URI1: variants seen among roughly 807,000 people sequenced by gnomAD.
URI1 encodes the protein URI1 prefoldin like chaperone, also known as unconventional prefoldin RPB5 interactor 1.
Under a neutral mutation model 60.2 loss-of-function variants are expected in URI1, and 39 were observed. The ratio of observed to expected loss-of-function variants is 0.65; its 90% confidence interval spans 0.50 to 0.85. The LOEUF (loss-of-function observed/expected upper bound fraction) is 0.85, where lower values mean the gene tolerates loss of function less well. Ranked by LOEUF, URI1 falls within the 40% of genes least tolerant of loss-of-function variation. The pLI, the probability that URI1 is intolerant of heterozygous loss-of-function variation, is 0.00. For missense variants in URI1, 691 were observed against 665.9 expected, an observed-to-expected ratio of 1.04 and a Z score of -0.42; for synonymous variants, 251 against 236.8, an observed-to-expected ratio of 1.06 and a Z score of -0.55.
rs147743824 is a variant in URI1, at chr19:29,928,809, A to G, written c.63+5055A>G. Among the ~76,000 whole-genome samples the G allele has an allele frequency of 3.9e-3, 595 of 152,276 alleles. 2 individuals are homozygous for G. The highest frequency in any genetic ancestry group is 0.014 in the African/African-American group (563 of 41,540). The stretch of plus-strand genomic sequence containing the variant: ...TCTGAAATTCAAATTTAATCGAATG[A>G]CCTATATTTGTATTTGCTAAACCTG... On this transcript the variant is annotated intron_variant, in intron 1 of 10. Transcript: ENST00000360605.
intron 2 of URI1, among the ~76,000 whole-genome samples, chr19:29,978,596 G>A (rs2055554353): frequency 6.6e-6 from 1 of 152,130 alleles, no homozygotes; most frequent in Non-Finnish European, 1.5e-5. Flanking sequence ...GTGCTTGTCT[G>A]AGAAGTGCAT....
At chr19:29,992,134 A>C (rs1323916649) in intron 4 of URI1, among the ~76,000 whole-genome samples, 2 of 152,134 alleles carry the variant, frequency 1.3e-5, no homozygotes, top group South Asian at 2.1e-4. Flanking sequence ...CAGTGGCCTG[A>C]TCTTGACTCA....
chr19:29,986,296 T>G lies in URI1; in HGVS notation c.246T>G (p.Pro82=). Reference sequence around the variant, plus strand: ...TTAAACAATAGGTACCATTTGGCCCTTTTGCCTTCATGCCAGGAAAACTTG... The same window carrying G: ...TTAAACAATAGGTACCATTTGGCCCGTTTGCCTTCATGCCAGGAAAACTTG... ...LSYNIMVPFG[P]FAFMPGKLVH... is the part of the protein sequence containing the mutation. Residue 82 remains proline, a synonymous_variant, in exon 4 of 11, where the codon CCT becomes CCG. Coordinates refer to ENST00000392271, the MANE Select transcript of URI1 (RefSeq NM_003796.3). 1 of 1,597,372 alleles carries G rather than the reference T, an allele frequency of 6.3e-7. No individual in the cohort carries two copies. Among genetic ancestry groups the G allele is most frequent in the South Asian group, 1.1e-5 (1 of 87,716 alleles).
chr19:30,004,347 T>TA (rs2145428604), intron 4 of URI1: 1 of 152,172 alleles, frequency 6.6e-6, no homozygotes, highest in South Asian at 2.1e-4. Flanking sequence ...CGAGAAGCCC[T>TA]TCATATGTGG....
Position 30,005,408 on chromosome 19 carries a change from G to T in URI1, c.415G>T (p.Glu139Ter). ...DDLKKVMKNF[E>*]SRVEFTEDLQ... ...CTTAAAAAAAGTGATGAAAAATTTT[G>T]AATCCAGAGTTGAATTCACAGAAGA... is the stretch of plus-strand genomic sequence containing the variant. The change falls in exon 5 of 11, where the codon GAA (glutamate) becomes TAA (stop). Residue 139 changes from glutamate to a stop codon, truncating the protein, a stop_gained. Transcript: ENST00000392271. LOFTEE classifies it high-confidence loss of function. The T allele has an allele frequency of 1.2e-6, 2 of 1,604,524 alleles. No homozygotes were observed. The highest frequency in any genetic ancestry group is 2.3e-5 in the South Asian group (2 of 88,822).
At chr19:29,995,495 T>C (rs1224202408) in intron 4 of URI1, among the ~76,000 whole-genome samples, 1 of 151,962 alleles carries the variant, frequency 6.6e-6, no homozygotes, top group Non-Finnish European at 1.5e-5. Context: ...AATTTGCAAA[T>C]ATTTTCTCCT....
chr19:29,937,461 T>C (rs558607258), upstream of URI1, among the ~76,000 whole-genome samples: 5 of 152,332 alleles, frequency 3.3e-5, no homozygotes, highest in South Asian at 4.1e-4. Context: ...GCACTTGGCA[T>C]TTTGGGTATT....
chr19:30,010,403 G>A (rs2056002724), intron 8 of URI1, among the ~76,000 whole-genome samples: 1 of 152,172 alleles, frequency 6.6e-6, no homozygotes, highest in East Asian at 1.9e-4. Flanking sequence ...GGGAAAAGTT[G>A]ACTGAGATGA....
intron 1 of URI1, among the ~76,000 whole-genome samples, chr19:29,957,354 A>G (rs2055262530): frequency 6.9e-6 from 1 of 144,704 alleles, no homozygotes; most frequent in Admixed American, 7.2e-5. Flanking sequence ...CAGATATTGT[A>G]ACAAAAAATT....
rs139688523 is a variant in URI1, at chr19:29,963,476, A to G, written c.118-7717A>G. Among the ~76,000 whole-genome samples, 538 of 152,204 alleles carry G rather than the reference A, an allele frequency of 3.5e-3. 6 individuals carry two copies. The highest frequency in any genetic ancestry group is 0.013 in the African/African-American group (523 of 41,540). On this transcript the variant is annotated intron_variant, in intron 1 of 10. Transcript: ENST00000392271. ...TTTCAGTTCTCTAGTGAAAATTGCT[A>G]TTTTTAAAATATATTCCTTTTATCT...
At chr19:29,954,511 CTTTTTT>C (rs11411965) in intron 1 of URI1, among the ~76,000 whole-genome samples, 2 of 115,904 alleles carry the variant, frequency 1.7e-5, no homozygotes, top group South Asian at 5.7e-4. Flanking sequence ...TACAGATAAA[CTTTTTT>C]TTTTTTTTTT....
At chr19:29,989,135 G>T (rs1265488306) in intron 4 of URI1, among the ~76,000 whole-genome samples, 1 of 151,502 alleles carries the variant, frequency 6.6e-6, no homozygotes, top group Non-Finnish European at 1.5e-5. Flanking sequence ...TTTTGAGATG[G>T]AGTCTCACTC....
chr19:29,987,251 A>G (rs1250598708), intron 4 of URI1, among the ~76,000 whole-genome samples: 1 of 152,150 alleles, frequency 6.6e-6, no homozygotes, highest in Non-Finnish European at 1.5e-5. Context: ...ATCCTTTTTT[A>G]TAAATAAGGT....
intron 2 of URI1, among the ~76,000 whole-genome samples, chr19:29,974,647 A>T (rs1156230333): frequency 6.6e-6 from 1 of 152,076 alleles, no homozygotes; most frequent in African/African-American, 2.4e-5. Flanking sequence ...GCAAAGGTGC[A>T]TTGCATGATG....
At chr19:29,969,394 T>C (rs2055430624) in intron 1 of URI1, among the ~76,000 whole-genome samples, 1 of 152,180 alleles carries the variant, frequency 6.6e-6, no homozygotes, top group African/African-American at 2.4e-5. Flanking sequence ...AAAAAGCATA[T>C]GTGCCAAATT....
Position 29,942,604 on chromosome 19 carries a change from C to G in URI1, c.57C>G (p.Ala19=). 2.7e-6 allele frequency: 4 copies of G among 1,473,502 alleles called. No homozygotes were observed. The highest frequency in any genetic ancestry group is 4.7e-4 in the Middle Eastern group (2 of 4,284). The allele number at this position is 1,473,502 out of a possible 1,614,324, so 91.3% of individuals were successfully genotyped here. The change falls in exon 1 of 11, where the codon GCC becomes GCG. Residue 19 remains alanine (A), a synonymous_variant. Transcript: ENST00000392271. ...PPDPSPPSAP[A]PALVPLRAPD... is the part of the protein sequence containing the mutation. ...ACCCCTCGCCCCCTTCGGCCCCGGCCCCTGCCCTGGTTCCGTTGCGCGCCC... is the reference window on the plus strand; with the variant it reads ...ACCCCTCGCCCCCTTCGGCCCCGGCGCCTGCCCTGGTTCCGTTGCGCGCCC...
chr19:29,980,878 C>T (rs992683582), intron 2 of URI1, among the ~76,000 whole-genome samples: 7 of 138,722 alleles, frequency 5.0e-5, no homozygotes, highest in Admixed American at 7.8e-5. Context: ...GCCGAGATCA[C>T]GCCACGGCAC....
At chr19:29,962,209 A>C (rs149312853) in intron 1 of URI1, among the ~76,000 whole-genome samples, 1 of 151,264 alleles carries the variant, frequency 6.6e-6, no homozygotes, top group Non-Finnish European at 1.5e-5. Context: ...TGGAGTGTCA[A>C]ATGGTTCCCC....
At chr19:29,944,171 ATATATATATATATATATATAT>A (rs1478943766) in intron 1 of URI1, among the ~76,000 whole-genome samples, 3 of 77,426 alleles carry the variant, frequency 3.9e-5, no homozygotes, top group African/African-American at 2.0e-4. Context: ...ATATATATAT[ATATATATATATATATATATAT>A]AAAACTTAAC....
Sources: gnomAD v4.1 joint callset for allele counts (sites outside exome capture counted in the v4.1 genomes callset) on GRCh38, gnomAD v4.1.1 for gene constraint, MANE v1.5 for transcripts, NCBI Gene and HGNC (gene_info 2026-07-23, HGNC 2026-07-21) for gene names.